NDUFA9: variants seen among roughly 807,000 people sequenced by gnomAD.
NDUFA9 encodes NADH dehydrogenase [ubiquinone] 1 alpha subcomplex subunit 9, mitochondrial.
Under a neutral mutation model 45.9 loss-of-function variants are expected in NDUFA9, and 23 were observed. The ratio of observed to expected loss-of-function variants is 0.50; its 90% CI spans 0.36 to 0.71. The LOEUF (loss-of-function observed/expected upper bound fraction) is 0.71. Among genes scored for constraint, NDUFA9 ranks in the 30% least tolerant of loss-of-function variants. The probability of loss-of-function intolerance (pLI) is 0.00; values close to 1 mark genes in which losing one functional copy is unlikely to be tolerated. For synonymous variants in NDUFA9, 176 were observed against 170.5 expected, an observed-to-expected ratio of 1.03 and a Z score of -0.25; for missense variants, 466 against 488.2, an observed-to-expected ratio of 0.95 and a Z score of 0.43.
At position 4,692,777 on chromosome 12, in the gene NDUFA9, A is replaced by G. The variant is rs971572274; in HGVS notation, c.*5669A>G. 2.6e-5 allele frequency: 4 copies of G among 152,240 alleles called. No individual in the cohort carries two copies. Among genetic ancestry groups the G allele is most frequent in the African/African-American group, 7.2e-5 (3 of 41,422 alleles). 9.4% of individuals were successfully genotyped at this position (152,240 alleles called of 1,614,324 possible). A position where few individuals can be genotyped will look rare whatever the true frequency, so the allele number is the denominator to read the frequency against. On this transcript the variant is annotated 3_prime_UTR_variant, in exon 11 of 11. Transcript: ENST00000266544. The stretch of plus-strand genomic sequence containing the variant: ...CTGACAAGTAATAGTATATGATAGC[A>G]TAGTATATGATAGCAGTAGTATACG...
Position 4,693,858 on chromosome 12 carries a change from C to G in NDUFA9, c.*6750C>G, listed in dbSNP as rs553034004. 2 of 152,220 alleles carry G rather than the reference C, an allele frequency of 1.3e-5. No individual in the cohort carries two copies. Among genetic ancestry groups the G allele is most frequent in the South Asian group, 4.1e-4 (2 of 4,826 alleles). The allele number at this position is 152,220 out of a possible 1,614,324, so 9.4% of individuals were successfully genotyped here. A position where few individuals can be genotyped will look rare whatever the true frequency, so the allele number is the denominator to read the frequency against. ...TAAGGGAATCGAGATTATCTAGTTT[C>G]CCCTCGACATTTTATAACTGAATAA... On this transcript the variant is annotated 3_prime_UTR_variant, in exon 11 of 11. Coordinates refer to ENST00000266544, the MANE Select transcript of NDUFA9 (RefSeq NM_005002.5).
At position 4,690,724 on chromosome 12, in the gene NDUFA9, A is replaced by G. The variant is rs946208970; in HGVS notation, c.*3616A>G. ...GACTCTGTCTAAAATAAATAATAAT[A>G]ATAATAATAATAAAGGTACATGATG... On this transcript the variant is annotated 3_prime_UTR_variant, in exon 11 of 11. Transcript: ENST00000266544. 6.6e-6 allele frequency: 1 copy of G among 151,932 alleles called. No homozygotes were observed. Among genetic ancestry groups the G allele is most frequent in the African/African-American group, 2.4e-5 (1 of 41,352 alleles). The allele number at this position is 151,932 out of a possible 1,614,324, so 9.4% of individuals were successfully genotyped here. A position where few individuals can be genotyped will look rare whatever the true frequency, so the allele number is the denominator to read the frequency against.
chr12:4,657,970 A>G, intron 4 of NDUFA9, 131 bp downstream of exon 4: 1 of 722,158 alleles, frequency 1.4e-6, no homozygotes, highest in Admixed American at 2.0e-5. Flanking sequence ...TGGTTGAACA[A>G]CCACTTGCAT....
intron 6 of NDUFA9, among the ~76,000 whole-genome samples, chr12:4,665,998 T>A (rs1284517366): frequency 6.6e-6 from 1 of 152,084 alleles, no homozygotes; most frequent in East Asian, 1.9e-4. Flanking sequence ...TAGAGACAGG[T>A]CTTGCTCTCT....
intron 9 of NDUFA9, among the ~76,000 whole-genome samples, chr12:4,684,695 T>G (rs921750826): frequency 3.9e-5 from 6 of 152,312 alleles, no homozygotes; most frequent in South Asian, 4.1e-4. Context: ...CCCTTCAATT[T>G]TCATTAGCAG....
rs1946013621 is a variant in NDUFA9, at chr12:4,690,548, A to T, written c.*3440A>T. 1 of 152,154 alleles carries T rather than the reference A, an allele frequency of 6.6e-6. No homozygotes were observed. The highest frequency in any genetic ancestry group is 2.1e-4 in the South Asian group (1 of 4,824). 9.4% of individuals were successfully genotyped at this position (152,154 alleles called of 1,614,324 possible). A position where few individuals can be genotyped will look rare whatever the true frequency, so the allele number is the denominator to read the frequency against. On this transcript the variant is annotated 3_prime_UTR_variant, in exon 11 of 11. Transcript: ENST00000266544. Reference sequence around the variant, plus strand: ...TGAAACCCCGTCTCTACTAAAAAATACAAAAAATCAGCCAGGCATGGTGGG... The same window carrying T: ...TGAAACCCCGTCTCTACTAAAAAATTCAAAAAATCAGCCAGGCATGGTGGG...
chr12:4,682,809 A>G (rs1945961677), intron 9 of NDUFA9, among the ~76,000 whole-genome samples: 1 of 152,160 alleles, frequency 6.6e-6, no homozygotes, highest in Non-Finnish European at 1.5e-5. Flanking sequence ...GCTCATGCCT[A>G]TAATCCCAGT....
chr12:4,672,728 A>T (rs1310831677), intron 8 of NDUFA9, among the ~76,000 whole-genome samples: 2 of 152,232 alleles, frequency 1.3e-5, no homozygotes, highest in Non-Finnish European at 2.9e-5. Flanking sequence ...CAGTAGCCCA[A>T]GTCAGGGACT....
At chr12:4,651,110 A>G (rs1023112201) in intron 1 of NDUFA9, among the ~76,000 whole-genome samples, 1 of 152,230 alleles carries the variant, frequency 6.6e-6, no homozygotes, top group Admixed American at 6.5e-5. Flanking sequence ...TGTGTATATC[A>G]TATTGGTACT....
chr12:4,686,930 A>T lies in NDUFA9; in HGVS notation c.964-8A>T. The T allele has an allele frequency of 6.2e-7, 1 of 1,613,252 alleles. No individual in the cohort carries two copies. The highest frequency in any genetic ancestry group is 8.5e-7 in the Non-Finnish European group (1 of 1,179,554). ...CAGCATTGTCTGTGGTCCTTTGTTT[A>T]TCCAAAGATGCACATCACAGACATG... On this transcript the variant is annotated splice_region_variant and splice_polypyrimidine_tract_variant and intron_variant, in intron 10 of 10. Transcript: ENST00000266544.
At chr12:4,684,192 C>T (rs930523643) in intron 9 of NDUFA9, among the ~76,000 whole-genome samples, 7 of 152,106 alleles carry the variant, frequency 4.6e-5, no homozygotes, top group Admixed American at 2.0e-4. Context: ...TTTTTTCTGC[C>T]GTTGAGGAAT....
intron 1 of NDUFA9, among the ~76,000 whole-genome samples, chr12:4,653,916 C>T (rs1008317204): frequency 4.0e-5 from 6 of 151,888 alleles, no homozygotes; most frequent in South Asian, 2.1e-4. Flanking sequence ...TCTTTTAAGA[C>T]CTTTCTCAAA....
intron 8 of NDUFA9, among the ~76,000 whole-genome samples, chr12:4,676,310 GAAAT>G (rs1156280742): frequency 6.6e-6 from 1 of 152,186 alleles, no homozygotes; most frequent in African/African-American, 2.4e-5. Flanking sequence ...GCAAGAGAAA[GAAAT>G]AAAGGGTATT....
At chr12:4,685,227 A>G in intron 9 of NDUFA9, 32 bp from the exon 10 acceptor site, 1 of 1,575,560 alleles carries the variant, frequency 6.3e-7, no homozygotes. Flanking sequence ...AGAGATGCTT[A>G]TCACATGTGC....
chr12:4,650,661 T>C lies in NDUFA9; in HGVS notation c.49+1486T>C, dbSNP rs1029194719. 2.0e-5 allele frequency among the ~76,000 whole-genome samples: 3 copies of C among 152,172 alleles called. No homozygotes were observed. In the East Asian group the frequency reaches 5.8e-4, roughly 29 times the overall value. The stretch of plus-strand genomic sequence containing the variant: ...ATATAGTTAAGTGTGGCAAGACTAT[T>C]AAGTATCACAGGAAATCATAAAAGG... On this transcript the variant is annotated intron_variant, in intron 1 of 10. Coordinates refer to ENST00000266544, the MANE Select transcript of NDUFA9 (RefSeq NM_005002.5).
rs182278327 is a variant in NDUFA9 at position 4,668,844 on chromosome 12, C to G, written c.723+320C>G. 3.4e-4 allele frequency: 111 copies of G among 321,842 alleles called. 3 individuals are homozygous for G. In the East Asian group the frequency reaches 5.0e-3, roughly 14 times the overall value. The allele number at this position is 321,842 out of a possible 1,614,324, so 19.9% of individuals were successfully genotyped here. ...TTCAGTCTGAGGCAGATAAATAAAGCAGTTATTGTACAACGTGATGAGTGC... is the reference window on the plus strand; with the variant it reads ...TTCAGTCTGAGGCAGATAAATAAAGGAGTTATTGTACAACGTGATGAGTGC... On this transcript the variant is annotated intron_variant, in intron 7 of 10. Transcript: ENST00000266544.
chr12:4,664,736 C>G (rs1297286579), intron 6 of NDUFA9, among the ~76,000 whole-genome samples: 1 of 152,194 alleles, frequency 6.6e-6, no homozygotes, highest in African/African-American at 2.4e-5. Context: ...GGTGAGACCA[C>G]CACCTCTGTG....
At position 4,659,137 on chromosome 12, in the gene NDUFA9, A is replaced by G. The variant is rs575242109; in HGVS notation, c.512A>G (p.Asn171Ser). Residue 171 changes from asparagine (N) to serine (S), a missense_variant, in exon 5 of 11, where the codon AAT becomes AGT. Asn to Ser is a conservative substitution (Grantham distance 46, BLOSUM62 1). Coordinates refer to ENST00000266544, the MANE Select transcript of NDUFA9 (RefSeq NM_005002.5). Reference sequence around the variant, plus strand: ...AAATTCATTCATGTTTCACATCTGAATGCGAATATTAAAAGCTCTTCTAGA... The same window carrying G: ...AAATTCATTCATGTTTCACATCTGAGTGCGAATATTAAAAGCTCTTCTAGA... The part of the protein sequence containing the change: ...VEKFIHVSHL[N>S]ANIKSSSRYL... 2 of 1,611,434 alleles carry G rather than the reference A, an allele frequency of 1.2e-6. No individual in the cohort carries two copies. The highest frequency in any genetic ancestry group is 1.7e-6 in the Non-Finnish European group (2 of 1,177,746).
rs749954668 is a variant in NDUFA9 at position 4,672,235 on chromosome 12, C to T, written c.800+2418C>T. 2.0e-5 allele frequency among the ~76,000 whole-genome samples: 3 copies of T among 152,300 alleles called. No individual in the cohort carries two copies. In the East Asian group the frequency reaches 5.8e-4, roughly 29 times the overall value. On this transcript the variant is annotated intron_variant, in intron 8 of 10. Transcript: ENST00000266544. ...CGCTTTTCCCATGGTCTTTGCAATCCGCAGACCAGGAGATTCACTAAGGTG... is the reference window on the plus strand; with the variant it reads ...CGCTTTTCCCATGGTCTTTGCAATCTGCAGACCAGGAGATTCACTAAGGTG...
Sources: allele counts gnomAD v4.1 joint callset (sites outside exome capture counted in the v4.1 genomes callset), GRCh38; gene constraint gnomAD v4.1.1; transcripts MANE v1.5; gene names NCBI Gene and HGNC (gene_info 2026-07-23, HGNC 2026-07-21).